The following CASP9 variants were observed in gnomAD, a reference collection of about 807,000 sequenced individuals.
The protein encoded by CASP9 is caspase 9, also known as caspase-9.
CASP9 carries 29 observed loss-of-function variants against 43.5 expected under a neutral mutation model. The observed-to-expected ratio is 0.67, with a 90% confidence interval of 0.50 to 0.91. The LOEUF is 0.91. CASP9 is among the 40% of genes least tolerant of loss of function. CASP9 has a pLI of 0.00. For synonymous variants in CASP9, 206 were observed against 211.9 expected (o/e 0.97, Z 0.24); for missense variants, 575 against 537.4 (o/e 1.07, Z -0.69).
Position 15,506,041 on chromosome 1 carries a change from G to T in CASP9, c.669C>A (p.Asp223Glu), listed in dbSNP as rs771666561. 4.3e-6 allele frequency: 7 copies of T among 1,614,132 alleles called. No homozygotes were observed. The highest frequency in any genetic ancestry group is 5.9e-6 in the Non-Finnish European group (7 of 1,179,988). ...VLALLELAQQ[D>E]HGALDCCVVV... is the part of the protein sequence containing the mutation. ...CCACGCAGCAGTCCAGAGCACCGTGGTCCTGCTGCGCCAGCTCCAGCAAAG... is the reference window on the plus strand; with the variant it reads ...CCACGCAGCAGTCCAGAGCACCGTGTTCCTGCTGCGCCAGCTCCAGCAAAG... Residue 223 changes from aspartate (D) to glutamate (E), a missense_variant, in exon 5 of 9, where the codon GAC becomes GAA. Transcript: ENST00000333868.
chr1:15,507,200 A>G, intron 3 of CASP9, 125 bp from the exon 4 acceptor site: 1 of 1,050,852 alleles, frequency 9.5e-7, no homozygotes, highest in Non-Finnish European at 1.4e-6. Context: ...TCCACCCGGC[A>G]TTCCAGGGCA....
intron 6 of CASP9, 92 bp downstream of exon 6, chr1:15,504,519 A>C: frequency 2.2e-6 from 3 of 1,350,828 alleles, no homozygotes; most frequent in Non-Finnish European, 3.0e-6. Flanking sequence ...GAGAGACCTC[A>C]TGGGCCCTGT....
chr1:15,495,566 C>T, intron 6 of CASP9, 114 bp from the exon 7 acceptor site: 1 of 976,088 alleles, frequency 1.0e-6, no homozygotes, highest in Admixed American at 3.9e-5. Flanking sequence ...GAAAATAAAT[C>T]TTGGGACCCC....
At chr1:15,499,409 T>G (rs1709238170) in intron 6 of CASP9, among the ~76,000 whole-genome samples, 1 of 152,232 alleles carries the variant, frequency 6.6e-6, no homozygotes, top group Admixed American at 6.5e-5. Context: ...TCCCTCTCTA[T>G]TTTGTCCTAG....
chr1:15,506,373 T>G (rs1709521811), intron 4 of CASP9, among the ~76,000 whole-genome samples: 1 of 152,004 alleles, frequency 6.6e-6, no homozygotes, highest in African/African-American at 2.4e-5. Flanking sequence ...GGAGAATTGC[T>G]TGAACCTGGG....
chr1:15,507,161 T>G, intron 3 of CASP9, 86 bp from the exon 4 acceptor site: 1 of 1,528,630 alleles, frequency 6.5e-7, no homozygotes, highest in Non-Finnish European at 9.0e-7. Flanking sequence ...AAACGGGGTC[T>G]GCCCTCTCGC....
Position 15,501,389 on chromosome 1 carries a change from T to A in CASP9, c.868+3222A>T, listed in dbSNP as rs4646071. On this transcript the variant is annotated intron_variant, in intron 6 of 8. Transcript: ENST00000333868. ...TATTATTTAAAAATGATTTTTAAAT[T>A]ATTTATTATTATATTTAAATTAATT... is the stretch of plus-strand genomic sequence containing the variant. Among the ~76,000 whole-genome samples, 206 of 151,910 alleles carry A rather than the reference T, an allele frequency of 1.4e-3. 6 individuals carry two copies. The East Asian group carries it at 0.036, about 27-fold the overall frequency.
chr1:15,508,997 C>A (rs1709633803), intron 2 of CASP9, among the ~76,000 whole-genome samples: 1 of 152,194 alleles, frequency 6.6e-6, no homozygotes, highest in Non-Finnish European at 1.5e-5. Context: ...AAATGGCACA[C>A]CTAGCCCTAA....
At chr1:15,504,816 C>A in intron 5 of CASP9, 58 bp from the exon 6 acceptor site, 1 of 1,552,000 alleles carries the variant, frequency 6.4e-7, no homozygotes, top group Admixed American at 1.8e-5. Flanking sequence ...AATCCAACAG[C>A]CTGTTCAGAG....
intron 7 of CASP9, 104 bp downstream of exon 7, chr1:15,495,169 G>T: frequency 1.9e-6 from 2 of 1,080,716 alleles, no homozygotes; most frequent in Non-Finnish European, 2.7e-6. Flanking sequence ...GCAAAAGACA[G>T]AACCAGGACT....
chr1:15,497,266 G>A (rs180813975), intron 6 of CASP9, among the ~76,000 whole-genome samples: 73 of 148,818 alleles, frequency 4.9e-4, no homozygotes, highest in Admixed American at 9.5e-4. Context: ...AGTCAAGATC[G>A]TGCCATTGCA....
rs368964366 is a variant in CASP9 at position 15,504,615 on chromosome 1, A to G, written c.864T>C (p.Gly288=). Residue 288 remains glycine, a synonymous_variant, in exon 6 of 9, where the codon GGT becomes GGC. Coordinates refer to ENST00000333868, the MANE Select transcript of CASP9 (RefSeq NM_001229.5). ...KPKLFFIQAC[G]GEQKDHGFEV... is the part of the protein sequence containing the mutation. ...GGAGGCTGAGGAGCTGCTTACCCCCACCACAGGCCTGGATGAAAAAGAGCT... is the reference window on the plus strand; with the variant it reads ...GGAGGCTGAGGAGCTGCTTACCCCCGCCACAGGCCTGGATGAAAAAGAGCT... The G allele has an allele frequency of 5.3e-5, 85 of 1,611,872 alleles. No homozygotes were observed. The African/African-American group carries it at 1.0e-3, about 19-fold the overall frequency.
rs1222863415 is a variant in CASP9, at chr1:15,524,158, G to A, written c.43C>T (p.Arg15Trp). ...TCCACCTGCAGCTCTTCCACCAGCC[G>A]CAGCCGGCACCGCCGCAGGAGCCGC... ...DRRLLRRCRL[R>W]LVEELQVDQL... is the part of the protein sequence containing the mutation. Residue 15 changes from arginine (R) to tryptophan (W), a missense_variant, in exon 1 of 9, where the codon CGG becomes TGG. Coordinates refer to ENST00000333868, the MANE Select transcript of CASP9 (RefSeq NM_001229.5). 1.9e-6 allele frequency: 3 copies of A among 1,539,454 alleles called. No homozygotes were observed. The highest frequency in any genetic ancestry group is 2.3e-4 in the Middle Eastern group (1 of 4,438).
intron 6 of CASP9, among the ~76,000 whole-genome samples, chr1:15,500,003 G>A (rs1417293060): frequency 6.6e-6 from 1 of 152,204 alleles, no homozygotes; most frequent in African/African-American, 2.4e-5. Flanking sequence ...TACTGAAGTG[G>A]AGACACTGAC....
chr1:15,494,059 C>A, intron 7 of CASP9, 58 bp from the exon 8 acceptor site: 1 of 1,536,454 alleles, frequency 6.5e-7, no homozygotes, highest in Non-Finnish European at 8.7e-7. Context: ...CGGCTCCCCA[C>A]CACCCCTCTG....
At chr1:15,524,039 C>G in intron 1 of CASP9, 30 bp downstream of exon 1, 1 of 1,424,502 alleles carries the variant, frequency 7.0e-7, no homozygotes, top group Non-Finnish European at 9.2e-7. Context: ...CCCGGCCGTG[C>G]AGCGCGGGGA....
chr1:15,493,170 A>T, intron 8 of CASP9, 135 bp from the exon 9 acceptor site: 1 of 1,486,644 alleles, frequency 6.7e-7, no homozygotes, highest in Non-Finnish European at 8.9e-7. Flanking sequence ...TTTGAGCAGG[A>T]GGGCTTAAAG....
rs565652334 is a variant in CASP9, at chr1:15,491,951, G to A, written c.*992C>T. On this transcript the variant is annotated 3_prime_UTR_variant, in exon 9 of 9. Coordinates refer to ENST00000333868, the MANE Select transcript of CASP9 (RefSeq NM_001229.5). ...CTCAGGGGACCCAGGTTCTGGCCAG[G>A]TCTCTTCTCTGGATAATCGTTTTCC... 6.5e-6 allele frequency: 1 copy of A among 153,036 alleles called. No homozygotes were observed. The highest frequency in any genetic ancestry group is 1.9e-4 in the East Asian group (1 of 5,196). The allele number at this position is 153,036 out of a possible 1,614,324, so 9.5% of individuals were successfully genotyped here.
intron 1 of CASP9, among the ~76,000 whole-genome samples, chr1:15,522,016 T>C (rs930450626): frequency 6.6e-6 from 1 of 152,136 alleles, no homozygotes; most frequent in Admixed American, 6.5e-5. Context: ...TACATGCAAA[T>C]AGATGGTGGT....
Sources: gnomAD v4.1 joint callset for allele counts (sites outside exome capture counted in the v4.1 genomes callset) on GRCh38, gnomAD v4.1.1 for gene constraint, MANE v1.5 for transcripts, NCBI Gene and HGNC (gene_info 2026-07-23, HGNC 2026-07-21) for gene names.